CEMIP2: variants seen among roughly 807,000 people sequenced by gnomAD.
CEMIP2 encodes the protein cell migration inducing hyaluronidase 2, also known as cell surface hyaluronidase CEMIP2.
In CEMIP2, 79 loss-of-function variants were observed where a neutral mutation model predicts 146.9. The ratio of observed to expected loss-of-function variants is 0.54; its 90% CI spans 0.45 to 0.65. The LOEUF (loss-of-function observed/expected upper bound fraction) is 0.65, where lower values mean the gene tolerates loss of function less well. Among genes scored for constraint, CEMIP2 ranks in the 30% least tolerant of loss-of-function variants. The pLI is 0.00. For synonymous variants in CEMIP2, 601 were observed against 606.3 expected, an observed-to-expected ratio of 0.99 and a Z score of 0.13; for missense variants, 1,596 against 1,696.2, an observed-to-expected ratio of 0.94 and a Z score of 1.04.
intron 22 of CEMIP2, among the ~76,000 whole-genome samples, chr9:71,689,126 T>C (rs1027436870): frequency 6.6e-6 from 1 of 152,158 alleles, no homozygotes; most frequent in African/African-American, 2.4e-5. Context: ...ATTTTCAACA[T>C]TAGGAAAAAT....
chr9:71,693,045 A>G (rs1430884482), intron 21 of CEMIP2, among the ~76,000 whole-genome samples: 1 of 152,264 alleles, frequency 6.6e-6, no homozygotes, highest in African/African-American at 2.4e-5. Context: ...TTGTACAACA[A>G]TATGAATGGA....
chr9:71,727,975 C>A (rs541208553), intron 10 of CEMIP2, among the ~76,000 whole-genome samples: 1 of 151,758 alleles, frequency 6.6e-6, no homozygotes, highest in African/African-American at 2.4e-5. Context: ...GCAGGAGAAT[C>A]GCTTGAACCC....
Position 71,740,113 on chromosome 9 carries a change from G to C in CEMIP2, c.1154C>G (p.Thr385Ser). The change falls in exon 5 of 24, where the codon ACT (threonine) becomes AGT (serine). Residue 385 changes from threonine (T) to serine (S), a missense_variant. Thr to Ser is a moderately conservative substitution (Grantham distance 58, BLOSUM62 1). Coordinates refer to ENST00000377044, the MANE Select transcript of CEMIP2 (RefSeq NM_013390.3). ...GKALAQREFY[T>S]VDGQKFSVTA... is the part of the protein sequence containing the mutation. ...CACAGAGAACTTCTGGCCATCCACAGTATAAAATTCTCTTTGGGCAAGAGC... is the reference window on the plus strand; with the variant it reads ...CACAGAGAACTTCTGGCCATCCACACTATAAAATTCTCTTTGGGCAAGAGC... The C allele has an allele frequency of 6.2e-7, 1 of 1,613,988 alleles. No homozygotes were observed. Among genetic ancestry groups the C allele is most frequent in the African/African-American group, 1.3e-5 (1 of 75,016 alleles).
chr9:71,726,386 C>T (rs572637122), intron 10 of CEMIP2, among the ~76,000 whole-genome samples: 2 of 152,242 alleles, frequency 1.3e-5, no homozygotes, highest in Non-Finnish European at 2.9e-5. Context: ...TATTTTACAA[C>T]TCAATTAAAA....
At chr9:71,738,885 A>T (rs914064937) in intron 5 of CEMIP2, among the ~76,000 whole-genome samples, 4 of 152,172 alleles carry the variant, frequency 2.6e-5, no homozygotes, top group African/African-American at 9.7e-5. Flanking sequence ...TTGAAAGATC[A>T]CTAGAATTTG....
chr9:71,749,484 T>C (rs1457140164), intron 2 of CEMIP2, among the ~76,000 whole-genome samples: 1 of 151,262 alleles, frequency 6.6e-6, no homozygotes. Flanking sequence ...GACAGGCAGA[T>C]CACCTGAGGT....
At position 71,722,518 on chromosome 9, in the gene CEMIP2, G is replaced by A. The variant is rs958895720; in HGVS notation, c.2179-3C>T. 4 of 1,607,556 alleles carry A rather than the reference G, an allele frequency of 2.5e-6. No individual in the cohort carries two copies. Among genetic ancestry groups the A allele is most frequent in the Non-Finnish European group, 2.6e-6 (3 of 1,175,036 alleles). ...CCTTTGTCAATAAATAAGCCAGCCT[G>A]AAAAATATAAATAATGGACTGGAAT... is the stretch of plus-strand genomic sequence containing the variant. On this transcript the variant is annotated splice_region_variant and splice_polypyrimidine_tract_variant and intron_variant, in intron 11 of 23. Transcript: ENST00000377044.
chr9:71,745,130 G>A lies in CEMIP2; in HGVS notation c.922C>T (p.Arg308Trp), dbSNP rs1824042768. The A allele has an allele frequency of 6.2e-7, 1 of 1,614,066 alleles. No individual in the cohort carries two copies. Among genetic ancestry groups the A allele is most frequent in the South Asian group, 1.1e-5 (1 of 91,062 alleles). ...QEFLRFQDPGRIVAIAVGDSA... is the reference protein window; with the variant it reads ...QEFLRFQDPGWIVAIAVGDSA... The stretch of plus-strand genomic sequence containing the variant: ...TCCCCGACAGCTATGGCAACAATCC[G>A]ACCTGGATCCTGGAATCTCAGAAAC... The change falls in exon 4 of 24, where the codon CGG (arginine) becomes TGG (tryptophan). Residue 308 changes from arginine to tryptophan, a missense_variant. Arg to Trp is a moderately radical substitution (Grantham distance 101). Transcript: ENST00000377044.
At chr9:71,710,782 T>C (rs556508903) in intron 16 of CEMIP2, among the ~76,000 whole-genome samples, 2 of 152,278 alleles carry the variant, frequency 1.3e-5, no homozygotes, top group South Asian at 2.1e-4. Flanking sequence ...TGCTGATTTA[T>C]GTGGGTGCCA....
At chr9:71,690,770 A>T (rs764234336) in intron 21 of CEMIP2, among the ~76,000 whole-genome samples, 2 of 152,234 alleles carry the variant, frequency 1.3e-5, no homozygotes, top group Non-Finnish European at 2.9e-5. Flanking sequence ...TCAAAATGAC[A>T]AAGTGATAAT....
intron 20 of CEMIP2, among the ~76,000 whole-genome samples, chr9:71,695,289 T>C (rs1822361915): frequency 6.6e-6 from 1 of 152,100 alleles, no homozygotes. Flanking sequence ...CCCTAAGGGC[T>C]CTCTTCTCAT....
chr9:71,740,188 G>A lies in CEMIP2; in HGVS notation c.1079C>T (p.Ser360Phe). 4 of 1,613,934 alleles carry A rather than the reference G, an allele frequency of 2.5e-6. No individual in the cohort carries two copies. Among genetic ancestry groups the A allele is most frequent in the Non-Finnish European group, 3.4e-6 (4 of 1,180,010 alleles). The change falls in exon 5 of 24, where the codon TCT becomes TTT. Residue 360 changes from serine (S) to phenylalanine (F), a missense_variant. Coordinates refer to ENST00000377044, the MANE Select transcript of CEMIP2 (RefSeq NM_013390.3). ...ATAGTTTCTCACGGATTCATTGCAA[G>A]AAGTGCTTCCACCATCAATGACACC... ...LVGVIDGGST[S>F]CNESVRNYEN...
At chr9:71,767,676 G>GC (rs1156303949) in intron 1 of CEMIP2, among the ~76,000 whole-genome samples, 1 of 152,146 alleles carries the variant, frequency 6.6e-6, no homozygotes, top group Non-Finnish European at 1.5e-5. Flanking sequence ...CACAGAGAGG[G>GC]CCCCCCTCCT....
chr9:71,714,087 C>A (rs976451516), intron 15 of CEMIP2, among the ~76,000 whole-genome samples: 1 of 152,108 alleles, frequency 6.6e-6, no homozygotes, highest in South Asian at 2.1e-4. Context: ...CCTCACTCTG[C>A]GCCACCACTC....
rs5898226 is a variant in CEMIP2 at position 71,746,596 on chromosome 9, C to CAAAA, written c.332-259_332-256dup. 7.5e-3 allele frequency among the ~76,000 whole-genome samples: 560 copies of CAAAA among 74,978 alleles called. 12 individuals carry two copies. Among genetic ancestry groups the CAAAA allele is most frequent in the African/African-American group, 0.013 (243 of 18,538 alleles). The allele number at this position is 74,978 out of a possible 152,430, so 49.2% of individuals were successfully genotyped here. A position where few individuals can be genotyped will look rare whatever the true frequency, so the allele number is the denominator to read the frequency against. ...GCATCTAGTTCAGGACAAACTTCAC[C>CAAAA]AAAAAAAAAAAAAAAAAAAAAAAGT... is the stretch of plus-strand genomic sequence containing the variant. On this transcript the variant is annotated intron_variant, in intron 2 of 23. Transcript: ENST00000377044.
chr9:71,745,875 T>C (rs1268605406), intron 3 of CEMIP2, among the ~76,000 whole-genome samples: 2 of 152,020 alleles, frequency 1.3e-5, no homozygotes, highest in African/African-American at 4.8e-5. Flanking sequence ...TCATGTTAAC[T>C]CTCAGAATTG....
chr9:71,700,500 C>T (rs1273366193), intron 19 of CEMIP2, 142 bp downstream of exon 19: 3 of 834,706 alleles, frequency 3.6e-6, no homozygotes, highest in African/African-American at 4.0e-5. Flanking sequence ...TCTAGTTCCC[C>T]TCTAAACCTC....
chr9:71,723,614 A>C (rs938737634), intron 11 of CEMIP2, among the ~76,000 whole-genome samples: 1 of 152,246 alleles, frequency 6.6e-6, no homozygotes, highest in African/African-American at 2.4e-5. Flanking sequence ...ATATGAGAAT[A>C]GGTCTGGGCC....
At chr9:71,765,552 T>C (rs1824765617) in intron 1 of CEMIP2, among the ~76,000 whole-genome samples, 1 of 152,228 alleles carries the variant, frequency 6.6e-6, no homozygotes, top group African/African-American at 2.4e-5. Flanking sequence ...CATTTTAAGA[T>C]AGTACTTCTG....
Sources: gnomAD v4.1 joint callset for allele counts (sites outside exome capture counted in the v4.1 genomes callset) on GRCh38, gnomAD v4.1.1 for gene constraint, MANE v1.5 for transcripts, NCBI Gene and HGNC (gene_info 2026-07-23, HGNC 2026-07-21) for gene names.